The following DNM1L variants were observed in gnomAD, a reference collection of about 807,000 sequenced individuals.
DNM1L encodes dynamin-1-like protein.
DNM1L carries 33 observed loss-of-function variants against 92.8 expected under a neutral mutation model. The observed-to-expected ratio is 0.36, with a 90% CI of 0.27 to 0.48. The LOEUF (loss-of-function observed/expected upper bound fraction) is 0.48. DNM1L is among the 20% of genes least tolerant of loss of function. DNM1L has a pLI of 0.99. For missense variants in DNM1L, 485 were observed against 888.8 expected, an observed-to-expected ratio of 0.55 and a Z score of 5.78; for synonymous variants, 284 against 305.0, an observed-to-expected ratio of 0.93 and a Z score of 0.72.
In DNM1L at chr12:32,718,890, C is replaced by T; in HGVS notation, c.740+127C>T. On this transcript the variant is annotated intron_variant, in intron 7 of 19. Transcript: ENST00000549701. ...TGTGATGCTGTACTATATTTTTTCT[C>T]CCTTTTATTATGATCTTGGTATTGC... 6.8e-6 allele frequency: 9 copies of T among 1,319,196 alleles called. No homozygotes were observed. The South Asian group carries it at 1.1e-4, about 16-fold the overall frequency. 81.7% of individuals were successfully genotyped at this position (1,319,196 alleles called of 1,614,324 possible).
chr12:32,735,989 T>C (rs1038241115), intron 13 of DNM1L, among the ~76,000 whole-genome samples: 1 of 152,026 alleles, frequency 6.6e-6, no homozygotes, highest in Non-Finnish European at 1.5e-5. Flanking sequence ...TTAACCTAAA[T>C]AGTTTCTACT....
At chr12:32,692,325 ATTTGTTTG>A (rs780563480) in intron 1 of DNM1L, among the ~76,000 whole-genome samples, 3 of 152,056 alleles carry the variant, frequency 2.0e-5, no homozygotes, top group Non-Finnish European at 4.4e-5. Flanking sequence ...AATGTCTGGA[ATTTGTTTG>A]TTTGTTTGTT....
At chr12:32,693,660 C>T (rs372992153) in intron 1 of DNM1L, among the ~76,000 whole-genome samples, 1 of 152,052 alleles carries the variant, frequency 6.6e-6, no homozygotes, top group Non-Finnish European at 1.5e-5. Flanking sequence ...CTTTTTAAGA[C>T]AGGGTCTCAC....
At chr12:32,712,477 A>C (rs1009333565) in intron 5 of DNM1L, among the ~76,000 whole-genome samples, 1 of 151,910 alleles carries the variant, frequency 6.6e-6, no homozygotes, top group Non-Finnish European at 1.5e-5. Context: ...ATCCAATTTA[A>C]AACATTAAAA....
intron 4 of DNM1L, 55 bp downstream of exon 4, chr12:32,708,279 G>T: frequency 3.4e-6 from 4 of 1,172,152 alleles, no homozygotes; most frequent in Non-Finnish European, 5.1e-6. Context: ...TATAATTGAG[G>T]TATTCTGTAC....
At chr12:32,725,072 G>T (rs1441596015) in intron 9 of DNM1L, among the ~76,000 whole-genome samples, 1 of 147,310 alleles carries the variant, frequency 6.8e-6, no homozygotes, top group East Asian at 1.9e-4. Context: ...TATCACTGAA[G>T]ATTTTCTTCT....
intron 2 of DNM1L, chr12:32,705,937 C>A: frequency 7.4e-7 from 1 of 1,343,122 alleles, no homozygotes; most frequent in Non-Finnish European, 1.0e-6. Context: ...CTATTACAGG[C>A]TGTGTGTATT....
rs541790438 is a variant in DNM1L, at chr12:32,700,910, C to T, written c.103-505C>T. 3.8e-4 allele frequency among the ~76,000 whole-genome samples: 58 copies of T among 152,134 alleles called. No homozygotes were observed. The South Asian group carries it at 5.2e-3, about 14-fold the overall frequency. On this transcript the variant is annotated intron_variant, in intron 1 of 19. Transcript: ENST00000549701. ...AACAGGTGGGATAATTATGGGAAAACAGGGCTGTTATTTTCTGGTTTTGGC... is the reference window on the plus strand; with the variant it reads ...AACAGGTGGGATAATTATGGGAAAATAGGGCTGTTATTTTCTGGTTTTGGC...
chr12:32,682,135 T>C (rs906868458), intron 1 of DNM1L, among the ~76,000 whole-genome samples: 4 of 152,026 alleles, frequency 2.6e-5, no homozygotes, highest in African/African-American at 9.7e-5. Flanking sequence ...AGAATCACTT[T>C]GGTTTTTTTT....
At chr12:32,736,734 C>T (rs1226846910) in intron 13 of DNM1L, among the ~76,000 whole-genome samples, 1 of 152,112 alleles carries the variant, frequency 6.6e-6, no homozygotes, top group Non-Finnish European at 1.5e-5. Context: ...TCAAATTCCA[C>T]ATGGTTATGT....
intron 9 of DNM1L, chr12:32,727,570 C>A (rs750094309): frequency 2.1e-5 from 11 of 525,432 alleles, no homozygotes; most frequent in Non-Finnish European, 3.7e-5. Flanking sequence ...TGAGATAATT[C>A]CTAAAATTTG....
intron 6 of DNM1L, among the ~76,000 whole-genome samples, chr12:32,715,453 C>T (rs1953318503): frequency 6.6e-6 from 1 of 151,948 alleles, no homozygotes; most frequent in Non-Finnish European, 1.5e-5. Context: ...TGCTTGTAGG[C>T]TGGGCATGGT....
At chr12:32,736,822 G>A in intron 13 of DNM1L, 1 of 400,942 alleles carries the variant, frequency 2.5e-6, no homozygotes, top group Non-Finnish European at 4.6e-6. Flanking sequence ...GGAGAAGATG[G>A]CAGTCTGTTG....
intron 1 of DNM1L, among the ~76,000 whole-genome samples, chr12:32,688,082 G>A (rs1184477896): frequency 1.3e-5 from 2 of 152,026 alleles, no homozygotes; most frequent in Non-Finnish European, 2.9e-5. Flanking sequence ...CCACCACCAT[G>A]CCTGGCTAAT....
intron 2 of DNM1L, chr12:32,705,873 A>T (rs1219934544): frequency 3.8e-6 from 6 of 1,597,568 alleles, no homozygotes; most frequent in Non-Finnish European, 5.1e-6. Context: ...GGTTTCCTTT[A>T]TCCATTTGCT....
chr12:32,737,128 C>T lies in DNM1L; in HGVS notation c.1563C>T (p.Ala521=), dbSNP rs755097084. The T allele has an allele frequency of 1.2e-6, 2 of 1,613,622 alleles. No individual in the cohort carries two copies. Among genetic ancestry groups the T allele is most frequent in the East Asian group, 2.2e-5 (1 of 44,792 alleles). The change falls in exon 14 of 20, where the codon GCC becomes GCT. Residue 521 remains alanine (A), a synonymous_variant. Transcript: ENST00000549701. ...AGGAACAAAGGAGAAACAGGCTAGC[C>T]AGAGAATTACCTTCAGCTGTATCAC... The part of the protein sequence containing the change: ...NIEEQRRNRL[A]RELPSAVSRD...
intron 2 of DNM1L, among the ~76,000 whole-genome samples, chr12:32,703,881 G>GTTAT (rs1437912370): frequency 6.6e-6 from 1 of 152,118 alleles, no homozygotes. Context: ...GTCAACTGTG[G>GTTAT]GATAACTGAG....
At chr12:32,720,370 A>G (rs534608393) in intron 7 of DNM1L, among the ~76,000 whole-genome samples, 2 of 152,284 alleles carry the variant, frequency 1.3e-5, no homozygotes, top group South Asian at 2.1e-4. Context: ...GTTTTTGTCT[A>G]TAGTTAATGG....
Position 32,740,199 on chromosome 12 carries a change from G to T in DNM1L, c.1843G>T (p.Ala615Ser). Reference sequence around the variant, plus strand: ...ATCAAAACCCATTCCAATTATGCCAGCCAGTCCACAAAAAGGTCATGCCGT... The same window carrying T: ...ATCAAAACCCATTCCAATTATGCCATCCAGTCCACAAAAAGGTCATGCCGT... ...EKSKPIPIMP[A>S]SPQKGHAVNL... The change falls in exon 17 of 20, where the codon GCC becomes TCC. Residue 615 changes from alanine to serine, a missense_variant. Ala to Ser is a moderately conservative substitution (Grantham distance 99). This residue lies in a region of DNM1L where 133 missense variants were observed against 210.9 expected (regional missense o/e 0.63). Coordinates refer to ENST00000549701, the MANE Select transcript of DNM1L (RefSeq NM_012062.5). The T allele has an allele frequency of 6.2e-7, 1 of 1,614,146 alleles. No individual in the cohort carries two copies. The highest frequency in any genetic ancestry group is 8.5e-7 in the Non-Finnish European group (1 of 1,180,026).
Sources: allele counts gnomAD v4.1 joint callset (sites outside exome capture counted in the v4.1 genomes callset), GRCh38; gene constraint gnomAD v4.1.1; regional missense constraint gnomAD v4.1.1; transcripts MANE v1.5; gene names NCBI Gene and HGNC (gene_info 2026-07-23, HGNC 2026-07-21).